Variants in DIP2C observed in about 807,000 individuals in gnomAD.
DIP2C encodes disco-interacting protein 2 homolog C.
In DIP2C, 33 loss-of-function variants were observed where a neutral mutation model predicts 192.4. The observed-to-expected ratio is 0.17, with a 90% CI of 0.13 to 0.23. The LOEUF is 0.23. DIP2C is among the 10% of genes least tolerant of loss of function. DIP2C has a pLI of 1.00. For synonymous variants in DIP2C, 979 were observed against 864.1 expected, an observed-to-expected ratio of 1.13 and a Z score of -2.33; for missense variants, 1,537 against 2,110.1, an observed-to-expected ratio of 0.73 and a Z score of 5.32.
chr10:347,240 C>T (rs866614736), intron 26 of DIP2C, among the ~76,000 whole-genome samples: 95 of 126,172 alleles, frequency 7.5e-4, no homozygotes, highest in African/African-American at 2.9e-3. Context: ...ATAGTTCTCC[C>T]GGAAACCCCA....
chr10:551,667 C>T (rs1290663307), intron 1 of DIP2C, among the ~76,000 whole-genome samples: 1 of 152,234 alleles, frequency 6.6e-6, no homozygotes, highest in Non-Finnish European at 1.5e-5. Context: ...ACTAGCTGTG[C>T]AGACAATCTC....
intron 1 of DIP2C, among the ~76,000 whole-genome samples, chr10:618,024 A>G (rs1853590048): frequency 6.6e-6 from 1 of 152,186 alleles, no homozygotes; most frequent in East Asian, 1.9e-4. Flanking sequence ...AGGACCCAGT[A>G]CTGTCCCACT....
At chr10:337,970 G>A (rs368429608) in intron 29 of DIP2C, among the ~76,000 whole-genome samples, 100 of 149,946 alleles carry the variant, frequency 6.7e-4, no homozygotes, top group Admixed American at 8.6e-4. Flanking sequence ...GTGTGTGTGC[G>A]TGTGTGTGTG....
At chr10:594,727 C>G (rs1462030634) in intron 1 of DIP2C, among the ~76,000 whole-genome samples, 1 of 152,188 alleles carries the variant, frequency 6.6e-6, no homozygotes, top group Non-Finnish European at 1.5e-5. Flanking sequence ...TCGGCCCCCT[C>G]AGAGTCAAGA....
At chr10:414,745 A>ATATATATATAATG (rs1965472973) in intron 7 of DIP2C, among the ~76,000 whole-genome samples, 1 of 90,886 alleles carries the variant, frequency 1.1e-5, no homozygotes, top group African/African-American at 4.6e-5. Context: ...GTGTGTACAT[A>ATATATATATAATG]TATATATATA....
At position 326,986 on chromosome 10, in the gene DIP2C, GT is replaced by G. The variant is rs767937900; in HGVS notation, c.3924+19del. 37 of 1,601,730 alleles carry G rather than the reference GT, an allele frequency of 2.3e-5. No individual in the cohort carries two copies. The highest frequency in any genetic ancestry group is 3.2e-5 in the Non-Finnish European group (37 of 1,174,038). ...GGAGCCACACTTCCCACTCAGCACTGTGATGTCGCCGAATCTCACCTGCAAG... is the reference window on the plus strand; with the variant it reads ...GGAGCCACACTTCCCACTCAGCACTGGATGTCGCCGAATCTCACCTGCAAG... On this transcript the variant is annotated intron_variant, in intron 31 of 36. Transcript: ENST00000280886.
chr10:376,593 G>C (rs980630566), intron 17 of DIP2C, among the ~76,000 whole-genome samples: 1 of 146,710 alleles, frequency 6.8e-6, no homozygotes, highest in Non-Finnish European at 1.5e-5. Flanking sequence ...CAGCTACTCT[G>C]GTCTTGAATC....
chr10:349,300 C>G, intron 25 of DIP2C, 31 bp downstream of exon 25: 2 of 1,588,818 alleles, frequency 1.3e-6, no homozygotes, highest in African/African-American at 2.7e-5. Context: ...GGCTTGCCAT[C>G]TCTCAGGGGA....
At chr10:392,865 A>C (rs2132966327) in intron 10 of DIP2C, among the ~76,000 whole-genome samples, 1 of 147,630 alleles carries the variant, frequency 6.8e-6, no homozygotes, top group East Asian at 2.0e-4. Context: ...CACAATACAC[A>C]GACACTCAAC....
At chr10:368,490 C>T (rs1216354882) in intron 18 of DIP2C, among the ~76,000 whole-genome samples, 5 of 152,186 alleles carry the variant, frequency 3.3e-5, no homozygotes, top group Non-Finnish European at 7.3e-5. Flanking sequence ...TGCTGGAGGG[C>T]GTCCGCAGGG....
Position 535,472 on chromosome 10 carries a change from T to G in DIP2C, c.86-48942A>C, listed in dbSNP as rs1019934305. 2.0e-5 allele frequency among the ~76,000 whole-genome samples: 3 copies of G among 152,252 alleles called. No individual in the cohort carries two copies. The East Asian group carries it at 5.8e-4, about 29-fold the overall frequency. On this transcript the variant is annotated intron_variant, in intron 1 of 36. Coordinates refer to ENST00000280886, the MANE Select transcript of DIP2C (RefSeq NM_014974.3). The stretch of plus-strand genomic sequence containing the variant: ...CTTCCCCAGGAGGCAGACACTTGGC[T>G]GTAATCTTTGGTAATGAGGGGCATG...
intron 17 of DIP2C, among the ~76,000 whole-genome samples, chr10:378,259 C>A (rs781549976): frequency 2.6e-5 from 4 of 152,230 alleles, no homozygotes. Flanking sequence ...ATACAGTTCA[C>A]GTAGCAAGAC....
chr10:618,884 C>T (rs558240775), intron 1 of DIP2C, among the ~76,000 whole-genome samples: 2 of 152,236 alleles, frequency 1.3e-5, no homozygotes, highest in Admixed American at 1.3e-4. Flanking sequence ...TGCCTGGCTT[C>T]TCCCTTTTTC....
chr10:542,853 C>T (rs1352898786), intron 1 of DIP2C, among the ~76,000 whole-genome samples: 2 of 152,062 alleles, frequency 1.3e-5, no homozygotes, highest in African/African-American at 4.8e-5. Context: ...CTCTATACCA[C>T]AGATCATCAG....
chr10:568,470 A>G (rs1202756560), intron 1 of DIP2C, among the ~76,000 whole-genome samples: 1 of 152,122 alleles, frequency 6.6e-6, no homozygotes, highest in Non-Finnish European at 1.5e-5. Flanking sequence ...AAGCTTTCGG[A>G]AAAAACTTCA....
At chr10:607,596 G>A (rs1422398778) in intron 1 of DIP2C, among the ~76,000 whole-genome samples, 1 of 152,172 alleles carries the variant, frequency 6.6e-6, no homozygotes, top group Non-Finnish European at 1.5e-5. Context: ...TAAATAGAAA[G>A]TGCATTTGAC....
intron 1 of DIP2C, among the ~76,000 whole-genome samples, chr10:649,361 C>T (rs893542693): frequency 2.6e-5 from 4 of 152,212 alleles, no homozygotes; most frequent in African/African-American, 9.7e-5. Flanking sequence ...ACTGAGTCCA[C>T]GTCCACATTT....
intron 4 of DIP2C, among the ~76,000 whole-genome samples, chr10:437,187 C>T (rs1023013834): frequency 5.3e-5 from 8 of 150,094 alleles, no homozygotes; most frequent in Admixed American, 2.0e-4. Flanking sequence ...TCCACCCACA[C>T]CTGAGCTCTC....
chr10:299,372 C>T (rs992911556), intron 32 of DIP2C, among the ~76,000 whole-genome samples: 2 of 152,238 alleles, frequency 1.3e-5, no homozygotes, highest in African/African-American at 4.8e-5. Context: ...TAGCATCAGG[C>T]TTAATATTTT....
Sources: gnomAD v4.1 joint callset for allele counts (sites outside exome capture counted in the v4.1 genomes callset) on GRCh38, gnomAD v4.1.1 for gene constraint, MANE v1.5 for transcripts, NCBI Gene and HGNC (gene_info 2026-07-23, HGNC 2026-07-21) for gene names.